Variants in PPP2R3A observed in about 807,000 individuals in gnomAD.
PPP2R3A encodes the protein serine/threonine-protein phosphatase 2A regulatory subunit B'' subunit alpha.
In PPP2R3A, 80 loss-of-function variants were observed where a neutral mutation model predicts 106.9. The observed-to-expected ratio is 0.75, with a 90% CI of 0.62 to 0.90. PPP2R3A has a LOEUF of 0.90. Ranked by LOEUF, PPP2R3A falls within the 40% of genes least tolerant of loss-of-function variation. The pLI is 0.00. For missense variants in PPP2R3A, 1,386 were observed against 1,350.4 expected, an observed-to-expected ratio of 1.03 and a Z score of -0.41; for synonymous variants, 483 against 468.3, an observed-to-expected ratio of 1.03 and a Z score of -0.41.
intron 13 of PPP2R3A, among the ~76,000 whole-genome samples, chr3:136,140,748 CAAAA>C (rs996175388): frequency 8.6e-5 from 7 of 81,572 alleles, no homozygotes; most frequent in East Asian, 3.6e-4. Flanking sequence ...AACTCAGTCT[CAAAA>C]AAAAAAAAAA....
rs1469968867 is a variant in PPP2R3A at position 136,011,613 on chromosome 3, A to T, written c.1995+8120A>T. Among the ~76,000 whole-genome samples the T allele has an allele frequency of 2.0e-5, 3 of 152,210 alleles. No individual in the cohort carries two copies. The East Asian group carries it at 5.8e-4, about 29-fold the overall frequency. ...CAATATGATCATCTTCAGAAATTGGATAAAATTACGTGTGTAAACTGATCA... is the reference window on the plus strand; with the variant it reads ...CAATATGATCATCTTCAGAAATTGGTTAAAATTACGTGTGTAAACTGATCA... On this transcript the variant is annotated intron_variant, in intron 2 of 13. Transcript: ENST00000264977.
chr3:136,091,811 T>C (rs999820925), intron 10 of PPP2R3A, among the ~76,000 whole-genome samples: 4 of 152,132 alleles, frequency 2.6e-5, no homozygotes, highest in African/African-American at 7.2e-5. Flanking sequence ...GAAAAAAATA[T>C]TAAAAGTTCA....
At chr3:136,074,877 T>C (rs1476729089) in intron 6 of PPP2R3A, among the ~76,000 whole-genome samples, 1 of 152,194 alleles carries the variant, frequency 6.6e-6, no homozygotes, top group Non-Finnish European at 1.5e-5. Context: ...AAAAAAATTT[T>C]TGTTAGATAT....
chr3:135,977,688 CTTTTTTTTTTTT>C (rs66592538), intron 1 of PPP2R3A, among the ~76,000 whole-genome samples: 4 of 61,098 alleles, frequency 6.5e-5, no homozygotes, highest in Admixed American at 4.2e-4. Context: ...GATCAGCATT[CTTTTTTTTTTTT>C]TTTTTTTTTT....
At position 136,001,915 on chromosome 3, in the gene PPP2R3A, T is replaced by G. The variant is rs751673713; in HGVS notation, c.417T>G (p.Ala139=). Residue 139 remains alanine, a synonymous_variant, in exon 2 of 14, where the codon GCT becomes GCG. Coordinates refer to ENST00000264977, the MANE Select transcript of PPP2R3A (RefSeq NM_002718.5). ...FEKLKNSNHA[A]YRKGRKVKSD... is the part of the protein sequence containing the mutation. The stretch of plus-strand genomic sequence containing the variant: ...AACTCAAAAACTCTAACCATGCAGC[T>G]TACAGAAAGGGAAGGAAAGTTAAGT... 4 of 1,614,014 alleles carry G rather than the reference T, an allele frequency of 2.5e-6. No homozygotes were observed. In the African/African-American group the frequency reaches 4.0e-5, roughly 16 times the overall value.
chr3:136,077,154 C>T (rs900224836), intron 6 of PPP2R3A, among the ~76,000 whole-genome samples: 2 of 151,974 alleles, frequency 1.3e-5, no homozygotes, highest in Non-Finnish European at 1.5e-5. Context: ...TCCCATGGAG[C>T]GTGGCACTTG....
chr3:136,063,033 A>G (rs1225998195), intron 5 of PPP2R3A, among the ~76,000 whole-genome samples: 1 of 152,200 alleles, frequency 6.6e-6, no homozygotes, highest in East Asian at 1.9e-4. Flanking sequence ...CTACAAGGCT[A>G]CAATAACCAA....
intron 5 of PPP2R3A, among the ~76,000 whole-genome samples, chr3:136,064,574 A>G (rs969510542): frequency 6.6e-6 from 1 of 152,224 alleles, no homozygotes; most frequent in Non-Finnish European, 1.5e-5. Flanking sequence ...AATTGTTTCC[A>G]TAATTTTTGT....
intron 1 of PPP2R3A, among the ~76,000 whole-genome samples, chr3:135,994,053 T>G (rs1444674349): frequency 6.6e-6 from 1 of 152,210 alleles, no homozygotes; most frequent in African/African-American, 2.4e-5. Flanking sequence ...AAACTTAATA[T>G]GTTTTTTATT....
intron 5 of PPP2R3A, among the ~76,000 whole-genome samples, chr3:136,056,235 G>C (rs1935855607): frequency 6.6e-6 from 1 of 152,090 alleles, no homozygotes; most frequent in African/African-American, 2.4e-5. Flanking sequence ...GAAGTCTAAG[G>C]AGACATAACT....
At chr3:136,110,241 A>G (rs1358313679) in intron 13 of PPP2R3A, among the ~76,000 whole-genome samples, 1 of 152,200 alleles carries the variant, frequency 6.6e-6, no homozygotes, top group African/African-American at 2.4e-5. Flanking sequence ...AGAAATATCA[A>G]TGAAATACTC....
At chr3:136,054,084 A>G (rs1315938849) in intron 5 of PPP2R3A, among the ~76,000 whole-genome samples, 2 of 152,152 alleles carry the variant, frequency 1.3e-5, no homozygotes, top group African/African-American at 4.8e-5. Flanking sequence ...TCTGGATTAT[A>G]AAGTGAACAA....
chr3:136,081,109 C>T (rs906578749), intron 7 of PPP2R3A, among the ~76,000 whole-genome samples: 6 of 152,026 alleles, frequency 3.9e-5, no homozygotes, highest in Admixed American at 6.6e-5. Flanking sequence ...TTTTCTGCCT[C>T]AGCCTCCCAA....
At chr3:136,100,433 G>A (rs907094575) in intron 10 of PPP2R3A, among the ~76,000 whole-genome samples, 2 of 151,970 alleles carry the variant, frequency 1.3e-5, no homozygotes, top group Admixed American at 6.6e-5. Flanking sequence ...CCAGCACTTT[G>A]GGAGGCCTAG....
intron 1 of PPP2R3A, among the ~76,000 whole-genome samples, chr3:135,987,169 T>C (rs559443631): frequency 2.9e-4 from 44 of 152,254 alleles, no homozygotes; most frequent in African/African-American, 1.0e-3. Context: ...GATCTAAGAG[T>C]TTACTGTATT....
chr3:136,021,619 TTAA>T (rs1934468405), intron 2 of PPP2R3A, among the ~76,000 whole-genome samples: 2 of 152,232 alleles, frequency 1.3e-5, no homozygotes, highest in South Asian at 2.1e-4. Context: ...TTTTTTTGTT[TTAA>T]TAATGTTTGG....
At chr3:135,970,478 T>G (rs1937214224) in intron 1 of PPP2R3A, among the ~76,000 whole-genome samples, 1 of 152,214 alleles carries the variant, frequency 6.6e-6, no homozygotes, top group Non-Finnish European at 1.5e-5. Flanking sequence ...TAATTCTAGT[T>G]TAAGATGCAT....
At chr3:136,005,475 A>G (rs898264139) in intron 2 of PPP2R3A, among the ~76,000 whole-genome samples, 21 of 152,218 alleles carry the variant, frequency 1.4e-4, no homozygotes, top group African/African-American at 4.8e-4. Flanking sequence ...ATTTGGGTCT[A>G]AATATCACAG....
At position 136,144,856 on chromosome 3, in the gene PPP2R3A, A is replaced by G. The variant is rs533205861; in HGVS notation, c.3330-187A>G. Among the ~76,000 whole-genome samples, 5 of 152,302 alleles carry G rather than the reference A, an allele frequency of 3.3e-5. No homozygotes were observed. In the East Asian group the frequency reaches 9.7e-4, roughly 29 times the overall value. On this transcript the variant is annotated intron_variant, in intron 13 of 13. Transcript: ENST00000264977. ...GACATGGACTTAAGCTTTAAGGAAC[A>G]GGGAGAAGAATGTGTTTTCTGCTCT...
Sources: allele counts gnomAD v4.1 joint callset (sites outside exome capture counted in the v4.1 genomes callset), GRCh38; gene constraint gnomAD v4.1.1; transcripts MANE v1.5; gene names NCBI Gene and HGNC (gene_info 2026-07-23, HGNC 2026-07-21).